Variants in RP9 observed in about 807,000 individuals in gnomAD.
RP9 encodes the protein retinitis pigmentosa 9 protein.
Under a neutral mutation model 32.6 loss-of-function variants are expected in RP9, and 23 were observed. The observed-to-expected ratio is 0.71, with a 90% CI of 0.51 to 1.00. The LOEUF (loss-of-function observed/expected upper bound fraction) is 1.00, where lower values mean the gene tolerates loss of function less well. Ranked by LOEUF, RP9 falls within the 50% of genes least tolerant of loss-of-function variation. The pLI is 0.00. For missense variants in RP9, 245 were observed against 285.3 expected, an observed-to-expected ratio of 0.86 and a Z score of 1.02; for synonymous variants, 94 against 103.6, an observed-to-expected ratio of 0.91 and a Z score of 0.56.
At chr7:33,095,888 G>C (rs1323229457) in intron 5 of RP9, among the ~76,000 whole-genome samples, 1 of 152,078 alleles carries the variant, frequency 6.6e-6, no homozygotes. Flanking sequence ...CTGGAGTGCA[G>C]TGGTGCAATC....
At chr7:33,107,044 A>T (rs1788509994) in intron 1 of RP9, among the ~76,000 whole-genome samples, 2 of 152,190 alleles carry the variant, frequency 1.3e-5, no homozygotes, top group African/African-American at 4.8e-5. Context: ...GACACAGGGA[A>T]TATGAGTGGT....
intron 2 of RP9, 97 bp from the exon 3 acceptor site, chr7:33,099,533 C>T: frequency 7.4e-7 from 1 of 1,351,030 alleles, no homozygotes. Flanking sequence ...TCCTGGGCTT[C>T]CGGTGCCAAC....
intron 1 of RP9, among the ~76,000 whole-genome samples, chr7:33,103,286 GCCAGGCAGAGATCCCTGGCCC>G (rs897335013): frequency 3.3e-5 from 5 of 152,200 alleles, no homozygotes; most frequent in Non-Finnish European, 7.3e-5. Flanking sequence ...AACACTGGCA[GCCAGGCAGAGATCCCTGGCCC>G]CCAGGCAGAG....
intron 1 of RP9, among the ~76,000 whole-genome samples, chr7:33,107,289 G>C (rs141647699): frequency 6.6e-6 from 1 of 152,244 alleles, no homozygotes; most frequent in Non-Finnish European, 1.5e-5. Flanking sequence ...TTAACTAACT[G>C]GTCAATGTAT....
chr7:33,100,900 A>G, intron 1 of RP9: 4 of 446,888 alleles, frequency 9.0e-6, no homozygotes, highest in South Asian at 7.9e-5. Context: ...GCACTCAAAG[A>G]GCAACTCTCA....
intron 1 of RP9, among the ~76,000 whole-genome samples, chr7:33,102,626 G>A (rs1006710268): frequency 8.5e-5 from 13 of 152,228 alleles, no homozygotes; most frequent in African/African-American, 2.4e-5. Flanking sequence ...TCTCAAGTGT[G>A]TACAGAGTAA....
At position 33,100,393 on chromosome 7, in the gene RP9, C is replaced by A. The variant is rs971017973; in HGVS notation, c.183+138G>T. ...CTTGTGACAAAACTAAAAATTATGA[C>A]CCCTCATTCATCTGCAGGAAAAGAA... On this transcript the variant is annotated intron_variant, in intron 2 of 5. Transcript: ENST00000297157. The A allele has an allele frequency of 7.0e-5, 54 of 774,038 alleles. No homozygotes were observed. In the South Asian group the frequency reaches 8.0e-4, roughly 11 times the overall value. The allele number at this position is 774,038 out of a possible 1,614,324, so 47.9% of individuals were successfully genotyped here. A position where few individuals can be genotyped will look rare whatever the true frequency, so the allele number is the denominator to read the frequency against.
chr7:33,106,665 G>T (rs1312176946), intron 1 of RP9, among the ~76,000 whole-genome samples: 2 of 152,216 alleles, frequency 1.3e-5, no homozygotes, highest in Non-Finnish European at 2.9e-5. Context: ...ATATACAGTT[G>T]GTGGGCGCAG....
At chr7:33,107,523 A>G (rs1336379928) in intron 1 of RP9, among the ~76,000 whole-genome samples, 1 of 152,188 alleles carries the variant, frequency 6.6e-6, no homozygotes, top group African/African-American at 2.4e-5. Flanking sequence ...GGAGACCAAG[A>G]GCGCCACACA....
In RP9 at chr7:33,099,302, C is replaced by G. The variant is rs765877467; in HGVS notation, c.313+5G>C. The G allele has an allele frequency of 1.9e-6, 3 of 1,612,832 alleles. No homozygotes were observed. In the Admixed American group the frequency reaches 5.0e-5, roughly 27 times the overall value. ...CATGGATTAGGGAAACTCTCCCACACTCACACTGCATAACTTTGACTTCTT... is the reference window on the plus strand; with the variant it reads ...CATGGATTAGGGAAACTCTCCCACAGTCACACTGCATAACTTTGACTTCTT... On this transcript the variant is annotated splice_donor_5th_base_variant and intron_variant, in intron 3 of 5. Transcript: ENST00000297157.
Position 33,109,124 on chromosome 7 carries a change from C to G in RP9, c.152+97G>C. 1 of 1,418,184 alleles carries G rather than the reference C, an allele frequency of 7.1e-7. No homozygotes were observed. The allele number at this position is 1,418,184 out of a possible 1,614,324, so 87.9% of individuals were successfully genotyped here. On this transcript the variant is annotated intron_variant, in intron 1 of 5. Coordinates refer to ENST00000297157, the MANE Select transcript of RP9 (RefSeq NM_203288.2). This position sits in a 1 kb window ranked among gnomAD's most constrained non-coding sequence, Gnocchi z 4.9. ...CAGCCCCCCTGCCTGCTCGCGGGGG[C>G]TCGGAGGACCCGGCCTAGCGCCCAC...
rs563405943 is a variant in RP9, at chr7:33,098,276, A to G, written c.314-914T>C. Among the ~76,000 whole-genome samples, 7 of 152,288 alleles carry G rather than the reference A, an allele frequency of 4.6e-5. No individual in the cohort carries two copies. In the South Asian group the frequency reaches 8.3e-4, roughly 18 times the overall value. The stretch of plus-strand genomic sequence containing the variant: ...GTGGCGCATGCCTGTAGTCCCAGCT[A>G]TCTCAGAGGCTGATGTGAGATCACC... On this transcript the variant is annotated intron_variant, in intron 3 of 5. Transcript: ENST00000297157.
intron 4 of RP9, among the ~76,000 whole-genome samples, chr7:33,096,821 C>T (rs1328369376): frequency 7.6e-6 from 1 of 131,182 alleles, no homozygotes; most frequent in Admixed American, 7.3e-5. Flanking sequence ...AGAGCTATAA[C>T]ACTGCCACCT....
In RP9 at chr7:33,095,432, C is replaced by T; in HGVS notation, c.468G>A (p.Arg156=). 1 of 1,613,656 alleles carries T rather than the reference C, an allele frequency of 6.2e-7. No individual in the cohort carries two copies. Among genetic ancestry groups the T allele is most frequent in the Non-Finnish European group, 8.5e-7 (1 of 1,179,838 alleles). The part of the protein sequence containing the change: ...RDNKRHEKDV[R]IQQLKQLLED... Reference sequence around the variant, plus strand: ...CCAGTAACTGTTTTAACTGCTGTATCCTAAACATTCAAAATTGATCAAAGA... The same window carrying T: ...CCAGTAACTGTTTTAACTGCTGTATTCTAAACATTCAAAATTGATCAAAGA... Residue 156 remains arginine, a splice_region_variant and synonymous_variant, in exon 6 of 6, where the codon AGG becomes AGA. Transcript: ENST00000297157.
intron 1 of RP9, among the ~76,000 whole-genome samples, chr7:33,107,456 G>A (rs919813344): frequency 8.5e-5 from 13 of 152,164 alleles, no homozygotes; most frequent in Non-Finnish European, 1.3e-4. Context: ...GGCTGGGCAG[G>A]GCCAGGCATT....
rs535143342 is a variant in RP9, at chr7:33,109,143, CG to C, written c.152+77del. ...CGGGGGCTCGGAGGACCCGGCCTAG[CG>C]CCCACCGCGGCGTCCCGCGCCCCGG... On this transcript the variant is annotated intron_variant, in intron 1 of 5. Coordinates refer to ENST00000297157, the MANE Select transcript of RP9 (RefSeq NM_203288.2). This position sits in a 1 kb window ranked among gnomAD's most constrained non-coding sequence, Gnocchi z 4.9. The C allele has an allele frequency of 1.7e-4, 252 of 1,449,048 alleles. No homozygotes were observed. The African/African-American group carries it at 3.2e-3, about 18-fold the overall frequency. The allele number at this position is 1,449,048 out of a possible 1,614,324, so 89.8% of individuals were successfully genotyped here.
At chr7:33,107,547 G>T (rs1788516056) in intron 1 of RP9, among the ~76,000 whole-genome samples, 1 of 152,120 alleles carries the variant, frequency 6.6e-6, no homozygotes, top group Non-Finnish European at 1.5e-5. Flanking sequence ...ACTTGAAAGG[G>T]CCAGGACTGC....
intron 3 of RP9, 63 bp from the exon 4 acceptor site, chr7:33,097,425 C>T (rs891742316): frequency 1.7e-6 from 2 of 1,169,528 alleles, no homozygotes; most frequent in Non-Finnish European, 2.5e-6. Context: ...GATAAAGAAT[C>T]AGCAGAATAT....
chr7:33,097,053 A>G (rs6980186), intron 4 of RP9, among the ~76,000 whole-genome samples: 79,055 of 152,094 alleles, frequency 0.52, 21,099 homozygotes, highest in African/African-American at 0.64. Flanking sequence ...CAAGTTACAA[A>G]CAAAGATCAC....
Sources: allele counts gnomAD v4.1 joint callset (sites outside exome capture counted in the v4.1 genomes callset), GRCh38; gene constraint gnomAD v4.1.1; non-coding constraint Gnocchi (gnomAD v3.1); transcripts MANE v1.5; gene names NCBI Gene and HGNC (gene_info 2026-07-23, HGNC 2026-07-21).